The following MIB1 variants were observed in gnomAD, a reference collection of about 807,000 sequenced individuals.
The protein encoded by MIB1 is MIB E3 ubiquitin protein ligase 1, also known as E3 ubiquitin-protein ligase MIB1.
Under a neutral mutation model 124.5 loss-of-function variants are expected in MIB1, and 278 were observed. The ratio of observed to expected loss-of-function variants is 2.23; its 90% CI spans 2.02 to 2.47. MIB1 has a LOEUF of 2.47. Among genes scored for constraint, MIB1 ranks in the 30% most tolerant of loss-of-function variants. The pLI is 0.00. For synonymous variants in MIB1, 446 were observed against 429.4 expected (o/e 1.04, Z -0.48); for missense variants, 957 against 1,254.4 (o/e 0.76, Z 3.58).
At chr18:21,760,843 G>T (rs1007620072) in intron 1 of MIB1, among the ~76,000 whole-genome samples, 1 of 152,222 alleles carries the variant, frequency 6.6e-6, no homozygotes, top group East Asian at 1.9e-4. Flanking sequence ...TGCACAGTCA[G>T]TTAATTCAGG....
At chr18:21,724,725 AAAAT>A (rs1286143714) in intron 1 of MIB1, among the ~76,000 whole-genome samples, 154 of 42,762 alleles carry the variant, frequency 3.6e-3, no homozygotes, top group Non-Finnish European at 6.0e-3. Flanking sequence ...AAAAAAAAAA[AAAAT>A]ATATATATAT....
chr18:21,722,477 T>A (rs2146358993), intron 1 of MIB1, among the ~76,000 whole-genome samples: 1 of 152,110 alleles, frequency 6.6e-6, no homozygotes, highest in Admixed American at 6.5e-5. Flanking sequence ...TTCAGGCAAT[T>A]CTCTTGCCTC....
At chr18:21,724,538 C>G (rs1047194661) in intron 1 of MIB1, among the ~76,000 whole-genome samples, 1 of 149,476 alleles carries the variant, frequency 6.7e-6, no homozygotes, top group Admixed American at 6.7e-5. Context: ...AACCCCATCT[C>G]TACTAAAAAT....
intron 1 of MIB1, among the ~76,000 whole-genome samples, chr18:21,746,696 T>C (rs2040916248): frequency 6.6e-6 from 1 of 152,206 alleles, no homozygotes; most frequent in Admixed American, 6.5e-5. Context: ...AATGTAGATT[T>C]CCTGTTAAGG....
intron 1 of MIB1, among the ~76,000 whole-genome samples, chr18:21,731,549 C>A (rs537837544): frequency 6.6e-6 from 1 of 151,822 alleles, no homozygotes; most frequent in South Asian, 2.1e-4. Flanking sequence ...TTGGCTAACA[C>A]GGTGAAACCC....
intron 12 of MIB1, among the ~76,000 whole-genome samples, chr18:21,825,112 G>A (rs1426603544): frequency 6.6e-6 from 1 of 151,962 alleles, no homozygotes; most frequent in Middle Eastern, 3.2e-3. Context: ...TTGATTCAGG[G>A]TCAGAAGAAC....
chr18:21,758,802 G>C (rs1289248001), intron 1 of MIB1, among the ~76,000 whole-genome samples: 1 of 152,076 alleles, frequency 6.6e-6, no homozygotes, highest in Non-Finnish European at 1.5e-5. Flanking sequence ...CAAAGTGCTG[G>C]GATTACAGGC....
At chr18:21,723,319 C>G (rs906828628) in intron 1 of MIB1, among the ~76,000 whole-genome samples, 3 of 151,928 alleles carry the variant, frequency 2.0e-5, no homozygotes, top group Non-Finnish European at 4.4e-5. Flanking sequence ...TGTATTTTCC[C>G]TATCTCAGGC....
intron 20 of MIB1, among the ~76,000 whole-genome samples, chr18:21,859,033 G>A (rs1340489895): frequency 1.3e-5 from 2 of 152,300 alleles, no homozygotes; most frequent in South Asian, 4.1e-4. Flanking sequence ...CACTTCGGAA[G>A]ACAGTTTGTC....
At chr18:21,826,904 T>C (rs1461511006) in intron 12 of MIB1, 1 of 152,112 alleles carries the variant, frequency 6.6e-6, no homozygotes, top group East Asian at 1.9e-4. Flanking sequence ...TACAATTCTT[T>C]TTCATCATTT....
chr18:21,796,945 T>C (rs904842445), intron 7 of MIB1, among the ~76,000 whole-genome samples: 3 of 152,214 alleles, frequency 2.0e-5, no homozygotes, highest in African/African-American at 7.2e-5. Flanking sequence ...AACTGTTTTT[T>C]CAACAAATAA....
At chr18:21,748,903 T>A (rs2040943258) in intron 1 of MIB1, among the ~76,000 whole-genome samples, 1 of 151,734 alleles carries the variant, frequency 6.6e-6, no homozygotes, top group Non-Finnish European at 1.5e-5. Flanking sequence ...TGGCTAATTT[T>A]TTTTTATTTT....
At chr18:21,764,479 G>C (rs920348266) in intron 1 of MIB1, among the ~76,000 whole-genome samples, 1 of 152,062 alleles carries the variant, frequency 6.6e-6, no homozygotes, top group East Asian at 1.9e-4. Context: ...TACATATGTA[G>C]CATGTTACTT....
Position 21,741,751 on chromosome 18 carries a change from A to AGCTG in MIB1, c.169_172dup (p.Ala58GlyfsTer25). 6.2e-7 allele frequency: 1 copy of AGCTG among 1,611,078 alleles called. No homozygotes were observed. Among genetic ancestry groups the AGCTG allele is most frequent in the Non-Finnish European group, 8.5e-7 (1 of 1,179,228 alleles). Reference sequence around the variant, plus strand: ...TGGTGGTAGTGTGGGACAACGGCACAGCTGCCAACTACCGCTGCTCCGGGG... The same window carrying AGCTG: ...TGGTGGTAGTGTGGGACAACGGCACAGCTGGCTGCCAACTACCGCTGCTCCGGGG... On this transcript the variant is annotated frameshift_variant, in exon 1 of 21. Coordinates refer to ENST00000261537, the MANE Select transcript of MIB1 (RefSeq NM_020774.4). LOFTEE classifies it high-confidence loss of function. The surrounding 1 kb of genome is among the most constrained non-coding windows in gnomAD (Gnocchi z 5.4).
intron 12 of MIB1, among the ~76,000 whole-genome samples, chr18:21,820,764 T>C (rs2041871135): frequency 6.6e-6 from 1 of 152,176 alleles, no homozygotes; most frequent in Non-Finnish European, 1.5e-5. Flanking sequence ...TTGGGGCAGG[T>C]GTTAATATCC....
Position 21,786,362 on chromosome 18 carries a change from G to C in MIB1, c.909-5012G>C, listed in dbSNP as rs568946815. ...TCCGCCCGCCTCGGCCTCCCAAAGT[G>C]CTGGGATTACAGGCGTGAGCCGCTG... On this transcript the variant is annotated intron_variant, in intron 6 of 20. Transcript: ENST00000261537. 5.2e-3 allele frequency among the ~76,000 whole-genome samples: 785 copies of C among 152,352 alleles called. 3 individuals are homozygous for C. The highest frequency in any genetic ancestry group is 0.02 in the Middle Eastern group (6 of 294).
At chr18:21,827,149 G>A (rs2041932808) in intron 12 of MIB1, 1 of 152,066 alleles carries the variant, frequency 6.6e-6, no homozygotes, top group Non-Finnish European at 1.5e-5. Context: ...ATCCCTGTCA[G>A]GGAGACAGTT....
chr18:21,733,624 A>AAGATT (rs1185605807), intron 1 of MIB1, among the ~76,000 whole-genome samples: 1 of 152,234 alleles, frequency 6.6e-6, no homozygotes, highest in Non-Finnish European at 1.5e-5. Flanking sequence ...GGGCATGAAC[A>AAGATT]AGATTAATTT....
chr18:21,755,956 T>A (rs2041026722), intron 1 of MIB1, among the ~76,000 whole-genome samples: 1 of 152,192 alleles, frequency 6.6e-6, no homozygotes, highest in South Asian at 2.1e-4. Flanking sequence ...AAATAAATTA[T>A]TGTTTAATTT....
Sources: allele counts gnomAD v4.1 joint callset (sites outside exome capture counted in the v4.1 genomes callset), GRCh38; gene constraint gnomAD v4.1.1; non-coding constraint Gnocchi (gnomAD v3.1); transcripts MANE v1.5; gene names NCBI Gene and HGNC (gene_info 2026-07-23, HGNC 2026-07-21).